The following CAPN13 variants were observed in gnomAD, a reference collection of about 807,000 sequenced individuals.
CAPN13 encodes calpain-13.
In CAPN13, 90 loss-of-function variants were observed where a neutral mutation model predicts 98.4. The observed-to-expected ratio is 0.92, with a 90% CI of 0.77 to 1.09. The LOEUF is 1.09. Among genes scored for constraint, CAPN13 ranks in the 50% least tolerant of loss-of-function variants. CAPN13 has a pLI of 0.00. For synonymous variants in CAPN13, 330 were observed against 305.5 expected (o/e 1.08, Z -0.84); for missense variants, 887 against 841.3 (o/e 1.05, Z -0.67).
chr2:30,724,127 CTGATA>C (rs1260228893), intron 22 of CAPN13, among the ~76,000 whole-genome samples: 1 of 152,146 alleles, frequency 6.6e-6, no homozygotes, highest in Non-Finnish European at 1.5e-5. Context: ...TTCCCTCCTT[CTGATA>C]TATTTATGTC....
Position 30,753,103 on chromosome 2 carries a change from C to A in CAPN13, c.1037G>T (p.Gly346Val), listed in dbSNP as rs1672261677. Residue 346 changes from glycine to valine, a missense_variant, in exon 10 of 23, where the codon GGA (glycine) becomes GTA (valine). Gly to Val is a moderately radical substitution (Grantham distance 109). Transcript: ENST00000295055. ...CTTCCTAAACATTATTTGGGACCAT[C>A]CTTCGTGGAGTGTGTTTCCATGGTC... The part of the protein sequence containing the change: ...TLDHGNTLHE[G>V]WSQIMFRKQV... 1 of 1,613,988 alleles carries A rather than the reference C, an allele frequency of 6.2e-7. No individual in the cohort carries two copies. Among genetic ancestry groups the A allele is most frequent in the Non-Finnish European group, 8.5e-7 (1 of 1,179,866 alleles).
At chr2:30,750,485 G>A (rs1316743939) in intron 11 of CAPN13, among the ~76,000 whole-genome samples, 1 of 152,068 alleles carries the variant, frequency 6.6e-6, no homozygotes, top group East Asian at 1.9e-4. Context: ...CATGAAAGGA[G>A]AGAGAGCCTA....
At chr2:30,738,341 G>C (rs974907057) in intron 16 of CAPN13, 48 bp from the exon 17 acceptor site, 1 of 1,612,974 alleles carries the variant, frequency 6.2e-7, no homozygotes, top group Non-Finnish European at 8.5e-7. Context: ...AGTGGGGTGT[G>C]GGGTGGGGTT....
Position 30,730,778 on chromosome 2 carries a change from G to A in CAPN13, c.1992C>T (p.Ser664=), listed in dbSNP as rs953294094. 6 of 780,702 alleles carry A rather than the reference G, an allele frequency of 7.7e-6. No homozygotes were observed. Among genetic ancestry groups the A allele is most frequent in the Admixed American group, 5.1e-5 (3 of 59,026 alleles). The allele number at this position is 780,702 out of a possible 1,614,324, so 48.4% of individuals were successfully genotyped here. The part of the protein sequence containing the change: ...GLYLTEMEWM[S]LVMYN ...CTTTGCTTCAGTTGTACATGACCAGGCTCATCCACTGAAAAATAAGCATCA... is the reference window on the plus strand; with the variant it reads ...CTTTGCTTCAGTTGTACATGACCAGACTCATCCACTGAAAAATAAGCATCA... The change falls in exon 22 of 23, where the codon AGC becomes AGT. Residue 664 remains serine, a synonymous_variant. Coordinates refer to ENST00000295055, the MANE Select transcript of CAPN13 (RefSeq NM_144575.3).
intron 9 of CAPN13, among the ~76,000 whole-genome samples, 195 bp downstream of exon 9, chr2:30,754,095 A>C (rs908640749): frequency 3.3e-5 from 5 of 152,218 alleles, no homozygotes; most frequent in African/African-American, 1.2e-4. Flanking sequence ...AACTGAAATA[A>C]CTTTCCCACC....
intron 18 of CAPN13, among the ~76,000 whole-genome samples, chr2:30,735,084 A>G (rs934751994): frequency 3.3e-5 from 5 of 152,184 alleles, no homozygotes; most frequent in Admixed American, 2.0e-4. Context: ...GCAGGTTAGA[A>G]TTGCTTCCTG....
chr2:30,734,878 C>A (rs1186926873), intron 18 of CAPN13, among the ~76,000 whole-genome samples: 3 of 152,202 alleles, frequency 2.0e-5, no homozygotes, highest in African/African-American at 7.2e-5. Flanking sequence ...GGGCTTAAAT[C>A]GTGGACTATT....
intron 20 of CAPN13, 132 bp from the exon 21 acceptor site, chr2:30,731,531 G>A (rs1443902113): frequency 1.4e-6 from 1 of 700,948 alleles, no homozygotes; most frequent in South Asian, 2.2e-5. Context: ...TCCGCGGGGT[G>A]TGCCTGTCAC....
chr2:30,740,097 T>TGG (rs1259367042), intron 15 of CAPN13, among the ~76,000 whole-genome samples: 36 of 147,254 alleles, frequency 2.4e-4, no homozygotes, highest in Non-Finnish European at 3.0e-5. Flanking sequence ...TTTTTTTTTT[T>TGG]TTTTTTTTTT....
Position 30,799,619 on chromosome 2 carries a change from G to A in CAPN13, c.-33+7683C>T, listed in dbSNP as rs142826411. Among the ~76,000 whole-genome samples the A allele has an allele frequency of 3.3e-3, 501 of 152,290 alleles. 2 individuals are homozygous for A. Among genetic ancestry groups the A allele is most frequent in the African/African-American group, 0.012 (483 of 41,568 alleles). On this transcript the variant is annotated intron_variant, in intron 1 of 22. Transcript: ENST00000295055. ...TGGCCTGTGAGCAAAGCATGCCTCC[G>A]TCCCTGCCGAGGGCATCCTACTTTG... is the stretch of plus-strand genomic sequence containing the variant.
chr2:30,730,713 A>C lies in CAPN13; in HGVS notation c.*30+17T>G, dbSNP rs1276724947. The C allele has an allele frequency of 1.3e-6, 1 of 780,458 alleles. No homozygotes were observed. Among genetic ancestry groups the C allele is most frequent in the African/African-American group, 1.7e-5 (1 of 59,232 alleles). The allele number at this position is 780,458 out of a possible 1,614,324, so 48.3% of individuals were successfully genotyped here. On this transcript the variant is annotated intron_variant, in intron 22 of 22. Coordinates refer to ENST00000295055, the MANE Select transcript of CAPN13 (RefSeq NM_144575.3). ...ATGCTCCCAGGAGGGAAAGACTCCA[A>C]AGCTACCATGTCTTACCTGAGCCAT...
intron 4 of CAPN13, 40 bp from the exon 5 acceptor site, chr2:30,770,489 C>T (rs756114932): frequency 6.2e-7 from 1 of 1,601,474 alleles, no homozygotes; most frequent in Non-Finnish European, 8.5e-7. Context: ...AGAGTTGAGG[C>T]AGAAGGGAGC....
At chr2:30,732,411 T>A in intron 20 of CAPN13, 27 bp downstream of exon 20, 1 of 1,612,160 alleles carries the variant, frequency 6.2e-7, no homozygotes. Flanking sequence ...TGCCAAGGTC[T>A]CTGGGATGCC....
intron 5 of CAPN13, among the ~76,000 whole-genome samples, chr2:30,765,218 C>T (rs1673049631): frequency 6.6e-6 from 1 of 152,182 alleles, no homozygotes. Flanking sequence ...ACTTCAGCTC[C>T]CATCCATGGG....
intron 1 of CAPN13, among the ~76,000 whole-genome samples, chr2:30,788,559 G>T (rs1674445322): frequency 6.6e-6 from 1 of 152,174 alleles, no homozygotes; most frequent in East Asian, 1.9e-4. Context: ...ATCAGGGTCA[G>T]TGCAGGTGGC....
At chr2:30,754,595 C>T (rs1169743080) in intron 8 of CAPN13, among the ~76,000 whole-genome samples, 1 of 152,132 alleles carries the variant, frequency 6.6e-6, no homozygotes, top group Non-Finnish European at 1.5e-5. Flanking sequence ...TGCTGTAGTT[C>T]ACCCCACATT....
intron 3 of CAPN13, 64 bp downstream of exon 3, chr2:30,777,503 T>C (rs1673762893): frequency 7.1e-7 from 1 of 1,414,578 alleles, no homozygotes; most frequent in East Asian, 2.5e-5. Context: ...CAGGACTCTG[T>C]GGGTAAGCAC....
chr2:30,794,502 G>A (rs1027598619), intron 1 of CAPN13, among the ~76,000 whole-genome samples: 1 of 151,838 alleles, frequency 6.6e-6, no homozygotes, highest in Non-Finnish European at 1.5e-5. Flanking sequence ...TTCCTAAAAT[G>A]TTAAAACATA....
At chr2:30,746,003 C>T (rs1202673021) in intron 11 of CAPN13, among the ~76,000 whole-genome samples, 5 of 142,570 alleles carry the variant, frequency 3.5e-5, no homozygotes, top group African/African-American at 7.8e-5. Context: ...TGGGTTCAAG[C>T]AATTCTCCTG....
Sources: allele counts gnomAD v4.1 joint callset (sites outside exome capture counted in the v4.1 genomes callset), GRCh38; gene constraint gnomAD v4.1.1; transcripts MANE v1.5; gene names NCBI Gene and HGNC (gene_info 2026-07-23, HGNC 2026-07-21).